FBXW8: variants seen among roughly 807,000 people sequenced by gnomAD.
FBXW8 encodes the protein F-box and WD repeat domain containing 8.
FBXW8 carries 57 observed loss-of-function variants against 65.3 expected under a neutral mutation model. The observed-to-expected ratio is 0.87, with a 90% CI of 0.71 to 1.09. The LOEUF (loss-of-function observed/expected upper bound fraction) is 1.09, where lower values mean the gene tolerates loss of function less well. FBXW8 is among the 50% of genes least tolerant of loss of function. The pLI is 0.00. For synonymous variants in FBXW8, 308 were observed against 330.2 expected, an observed-to-expected ratio of 0.93 and a Z score of 0.73; for missense variants, 777 against 814.8, an observed-to-expected ratio of 0.95 and a Z score of 0.57.
At chr12:116,992,657 G>A (rs1953272311) in intron 7 of FBXW8, among the ~76,000 whole-genome samples, 1 of 151,846 alleles carries the variant, frequency 6.6e-6, no homozygotes, top group Non-Finnish European at 1.5e-5. Context: ...GCTGTATTTA[G>A]TTTTCCATTC....
intron 7 of FBXW8, among the ~76,000 whole-genome samples, chr12:117,007,595 C>T (rs568518929): frequency 6.6e-6 from 1 of 152,336 alleles, no homozygotes; most frequent in African/African-American, 2.4e-5. Context: ...AGAATATTTT[C>T]TCCGGGATTT....
intron 7 of FBXW8, among the ~76,000 whole-genome samples, chr12:117,006,938 G>T (rs902803506): frequency 4.5e-4 from 68 of 152,272 alleles, no homozygotes; most frequent in African/African-American, 1.5e-3. Context: ...CTATCTATAG[G>T]TATTGACACG....
intron 4 of FBXW8, among the ~76,000 whole-genome samples, chr12:116,958,036 CATT>C (rs1565914107): frequency 6.6e-6 from 1 of 152,242 alleles, no homozygotes; most frequent in Non-Finnish European, 1.5e-5. Context: ...GCATAATCAT[CATT>C]GACTCTGACT....
Position 116,994,673 on chromosome 12 carries a change from T to C in FBXW8, c.1239+5804T>C, listed in dbSNP as rs1592937372. Among the ~76,000 whole-genome samples the C allele has an allele frequency of 2.6e-5, 4 of 152,384 alleles. 1 individual carries two copies. In the South Asian group the frequency reaches 8.3e-4, roughly 32 times the overall value. On this transcript the variant is annotated intron_variant, in intron 7 of 10. Transcript: ENST00000652555. ...TGCTTTTTCCTGCAGCAGAATCACT[T>C]GGAGATCATTTCTATGACATAACAA...
intron 2 of FBXW8, among the ~76,000 whole-genome samples, chr12:116,930,822 T>A (rs1881707988): frequency 6.6e-6 from 1 of 152,244 alleles, no homozygotes; most frequent in Non-Finnish European, 1.5e-5. Context: ...TTATTTTTTT[T>A]ATTGAGACAG....
intron 7 of FBXW8, among the ~76,000 whole-genome samples, chr12:117,008,758 CAT>C (rs140227639): frequency 0.024 from 3,622 of 152,328 alleles, 146 homozygotes; most frequent in African/African-American, 0.082. Context: ...ACATCACTCT[CAT>C]GTGTGTGCTG....
intron 9 of FBXW8, among the ~76,000 whole-genome samples, chr12:117,025,478 C>T (rs910245458): frequency 2.6e-5 from 4 of 152,226 alleles, no homozygotes; most frequent in South Asian, 4.1e-4. Flanking sequence ...AGAACACAAC[C>T]TCTGAGCAGC....
At chr12:116,960,689 A>G (rs766819006) in intron 4 of FBXW8, among the ~76,000 whole-genome samples, 1 of 152,218 alleles carries the variant, frequency 6.6e-6, no homozygotes, top group Non-Finnish European at 1.5e-5. Flanking sequence ...CAAGCCAGTC[A>G]GGTTGTTACC....
chr12:116,973,115 A>G (rs1364420548), intron 5 of FBXW8, among the ~76,000 whole-genome samples: 3 of 152,228 alleles, frequency 2.0e-5, no homozygotes, highest in Non-Finnish European at 4.4e-5. Context: ...ATTGATAATA[A>G]CAGGTTACAA....
chr12:116,922,814 T>TG (rs1881006345), intron 1 of FBXW8, among the ~76,000 whole-genome samples: 1 of 152,000 alleles, frequency 6.6e-6, no homozygotes, highest in African/African-American at 2.4e-5. Context: ...GTGTGTGTGT[T>TG]TTTTTTCCCT....
intron 2 of FBXW8, among the ~76,000 whole-genome samples, chr12:116,930,302 T>G (rs1401876514): frequency 2.6e-5 from 4 of 152,254 alleles, no homozygotes; most frequent in Non-Finnish European, 5.9e-5. Context: ...AAGGGTTCCC[T>G]TCTCTCCATG....
At chr12:116,921,071 C>T (rs555040459) in intron 1 of FBXW8, among the ~76,000 whole-genome samples, 3 of 152,328 alleles carry the variant, frequency 2.0e-5, no homozygotes, top group South Asian at 2.1e-4. Context: ...GGATTTCCCC[C>T]AGCACTTGCA....
At chr12:117,013,349 G>A (rs922722792) in intron 8 of FBXW8, among the ~76,000 whole-genome samples, 2 of 152,210 alleles carry the variant, frequency 1.3e-5, no homozygotes, top group Non-Finnish European at 2.9e-5. Context: ...CCCTCGCTGG[G>A]AGGGAAGGCT....
At chr12:116,911,786 G>A (rs1255513825) in intron 1 of FBXW8, among the ~76,000 whole-genome samples, 1 of 152,154 alleles carries the variant, frequency 6.6e-6, no homozygotes, top group Non-Finnish European at 1.5e-5. Flanking sequence ...TTGAAAAGGA[G>A]GACCCAGATG....
intron 4 of FBXW8, among the ~76,000 whole-genome samples, chr12:116,964,113 G>A (rs1475339186): frequency 4.6e-5 from 7 of 152,172 alleles, no homozygotes; most frequent in South Asian, 2.1e-4. Context: ...GGGCAGTGTC[G>A]CGCATTCAGC....
chr12:117,015,902 C>G (rs1411046584), intron 8 of FBXW8, among the ~76,000 whole-genome samples: 2 of 152,162 alleles, frequency 1.3e-5, no homozygotes, highest in African/African-American at 2.4e-5. Flanking sequence ...CTGGATTTGC[C>G]TGAACATCTC....
At position 116,988,886 on chromosome 12, in the gene FBXW8, A is replaced by G; in HGVS notation, c.1239+17A>G. 6.3e-7 allele frequency: 1 copy of G among 1,596,922 alleles called. No individual in the cohort carries two copies. The highest frequency in any genetic ancestry group is 8.6e-7 in the Non-Finnish European group (1 of 1,166,688). Reference sequence around the variant, plus strand: ...GGAAGCAAGGTACACAACTAGCAAGATATATAATTAACAAAAAAGAATATA... The same window carrying G: ...GGAAGCAAGGTACACAACTAGCAAGGTATATAATTAACAAAAAAGAATATA... On this transcript the variant is annotated intron_variant, in intron 7 of 10. Transcript: ENST00000652555.
chr12:116,964,587 T>C (rs1217803079), intron 4 of FBXW8, 110 bp from the exon 5 acceptor site: 27 of 1,333,810 alleles, frequency 2.0e-5, no homozygotes, highest in Non-Finnish European at 2.8e-5. Context: ...GCAGTGGCTC[T>C]ACACCACCCG....
intron 5 of FBXW8, among the ~76,000 whole-genome samples, chr12:116,974,236 G>A (rs978163929): frequency 2.6e-5 from 4 of 152,212 alleles, no homozygotes; most frequent in South Asian, 2.1e-4. Flanking sequence ...GGATTCCCTC[G>A]AGTCTTTGGC....
Sources: gnomAD v4.1 joint callset for allele counts (sites outside exome capture counted in the v4.1 genomes callset) on GRCh38, gnomAD v4.1.1 for gene constraint, MANE v1.5 for transcripts, NCBI Gene and HGNC (gene_info 2026-07-23, HGNC 2026-07-21) for gene names.